The following WNK3 variants were observed in gnomAD, a reference collection of about 807,000 sequenced individuals.
WNK3 encodes WNK lysine deficient protein kinase 3, also known as serine/threonine-protein kinase WNK3.
In WNK3, 18 loss-of-function variants were observed where a neutral mutation model predicts 116.7. The observed-to-expected ratio is 0.15, with a 90% CI of 0.11 to 0.23. WNK3 has a LOEUF of 0.23. Ranked by LOEUF, WNK3 falls within the 10% of genes least tolerant of loss-of-function variation. The pLI is 1.00. For missense variants in WNK3, 993 were observed against 1,323.8 expected (o/e 0.75, Z 3.88); for synonymous variants, 404 against 469.4 (o/e 0.86, Z 1.80).
intron 10 of WNK3, among the ~76,000 whole-genome samples, chrX:54,267,494 G>C (rs1188782348): frequency 9.0e-6 from 1 of 110,525 alleles, no homozygotes; most frequent in Non-Finnish European, 1.9e-5. Flanking sequence ...AATAAAAGAT[G>C]ACCATAGCTA....
intron 20 of WNK3, among the ~76,000 whole-genome samples, chrX:54,234,894 T>C (rs2067945636): frequency 9.1e-6 from 1 of 110,109 alleles, no homozygotes; most frequent in Admixed American, 9.7e-5. Flanking sequence ...ATATCACAAA[T>C]ATGAAACTGC....
intron 2 of WNK3, among the ~76,000 whole-genome samples, chrX:54,328,324 A>T (rs1353106517): frequency 9.0e-6 from 1 of 111,381 alleles, no homozygotes; most frequent in Non-Finnish European, 1.9e-5. Flanking sequence ...AGTAATTCAA[A>T]GATGATGCCC....
At chrX:54,337,610 G>GCC (rs2069259534) in intron 1 of WNK3, among the ~76,000 whole-genome samples, 1 of 30,788 alleles carries the variant, frequency 3.2e-5, no homozygotes, top group African/African-American at 9.2e-5. Context: ...AATATTTGAG[G>GCC]CCAGGTGCAA....
intron 10 of WNK3, among the ~76,000 whole-genome samples, chrX:54,290,847 A>C (rs1557164873): frequency 1.8e-5 from 2 of 111,750 alleles, no homozygotes; most frequent in African/African-American, 6.5e-5. Flanking sequence ...TACCATGCTC[A>C]TAAAAAGACC....
chrX:54,214,881 C>T (rs2067664597), intron 22 of WNK3, among the ~76,000 whole-genome samples: 1 of 109,825 alleles, frequency 9.1e-6, no homozygotes, highest in African/African-American at 3.3e-5. Flanking sequence ...GGCGTGGTGG[C>T]GGGCGCCTGT....
At chrX:54,304,657 C>A (rs138985807) in intron 5 of WNK3, among the ~76,000 whole-genome samples, 97 of 111,277 alleles carry the variant, frequency 8.7e-4, no homozygotes, top group Non-Finnish European at 9.8e-4. Flanking sequence ...TAAATGATGT[C>A]TTTTTACAGT....
intron 1 of WNK3, among the ~76,000 whole-genome samples, chrX:54,338,110 T>A (rs1312704043): frequency 1.8e-5 from 2 of 109,434 alleles, no homozygotes; most frequent in Admixed American, 9.9e-5. Flanking sequence ...GTTGGGAAAA[T>A]TTTTTTTTAA....
intron 10 of WNK3, among the ~76,000 whole-genome samples, chrX:54,277,520 T>C (rs1231006633): frequency 1.8e-5 from 2 of 109,200 alleles, no homozygotes; most frequent in Non-Finnish European, 3.8e-5. Context: ...GTATTTTTAG[T>C]AGAGACGGGG....
At chrX:54,282,297 A>G (rs1557162684) in intron 10 of WNK3, among the ~76,000 whole-genome samples, 1 of 110,705 alleles carries the variant, frequency 9.0e-6, no homozygotes, top group African/African-American at 3.3e-5. Flanking sequence ...CTCGTGCCTC[A>G]GCCTCCCAAA....
rs182934586 is a variant in WNK3 at position 54,266,783 on chromosome X, G to A, written c.2038-7445C>T. On this transcript the variant is annotated intron_variant, in intron 10 of 23. Coordinates refer to ENST00000354646, the Ensembl canonical transcript of WNK3. ...ATACATGTGCTGAACGTGCAGGTTT[G>A]TTACATAGGTATACATGTGCCATGG... Among the ~76,000 whole-genome samples, 3 of 110,402 alleles carry A rather than the reference G, an allele frequency of 2.7e-5. No individual in the cohort carries two copies. In the East Asian group the frequency reaches 8.5e-4, roughly 31 times the overall value.
intron 17 of WNK3, among the ~76,000 whole-genome samples, chrX:54,243,780 A>G (rs2068048678): frequency 1.8e-5 from 2 of 112,087 alleles, no homozygotes; most frequent in Non-Finnish European, 3.8e-5. Context: ...TAGAATTACC[A>G]TATGCCCCAG....
intron 17 of WNK3, 49 bp downstream of exon 17, chrX:54,248,647 TA>T: frequency 9.4e-7 from 1 of 1,060,472 alleles, no homozygotes; most frequent in Non-Finnish European, 1.3e-6. Flanking sequence ...GGCATTTCTT[TA>T]AAACAATAAG....
At chrX:54,332,004 T>A (rs1557174331) in intron 2 of WNK3, among the ~76,000 whole-genome samples, 1 of 111,658 alleles carries the variant, frequency 9.0e-6, no homozygotes, top group Admixed American at 9.6e-5. Flanking sequence ...CTTTATTCCA[T>A]CCTAATTTTA....
intron 22 of WNK3, among the ~76,000 whole-genome samples, chrX:54,222,394 A>AT (rs1206364956): frequency 2.6e-4 from 27 of 102,998 alleles, no homozygotes; most frequent in Admixed American, 4.3e-4. Flanking sequence ...TTAAAAAAAA[A>AT]TTTTTTTTTT....
intron 23 of WNK3, among the ~76,000 whole-genome samples, chrX:54,200,571 G>A (rs1156465563): frequency 9.0e-6 from 1 of 111,474 alleles, no homozygotes; most frequent in Non-Finnish European, 1.9e-5. Context: ...GAAAACTGAG[G>A]CACAGATAGA....
intron 10 of WNK3, among the ~76,000 whole-genome samples, chrX:54,278,255 T>C (rs1349881136): frequency 9.0e-6 from 1 of 110,543 alleles, no homozygotes; most frequent in African/African-American, 3.3e-5. Context: ...AAGAGACATA[T>C]CATGTTCCTG....
At chrX:54,255,951 C>A (rs76447682) in intron 11 of WNK3, 64 bp from the exon 12 acceptor site, 2 of 946,854 alleles carry the variant, frequency 2.1e-6, no homozygotes, top group Admixed American at 3.0e-5. Flanking sequence ...AGAAAAACTC[C>A]CAATTATAAA....
chrX:54,284,994 G>A (rs782100245), intron 10 of WNK3, among the ~76,000 whole-genome samples: 22 of 110,191 alleles, frequency 2.0e-4, no homozygotes, highest in Non-Finnish European at 3.2e-4. Flanking sequence ...AAAAGCTACT[G>A]ATACATACAC....
intron 22 of WNK3, among the ~76,000 whole-genome samples, chrX:54,215,348 G>A (rs1299097147): frequency 9.0e-6 from 1 of 111,230 alleles, no homozygotes; most frequent in Non-Finnish European, 1.9e-5. Flanking sequence ...GCGCCGCCAC[G>A]CCTGACTGGT....
Sources: allele counts gnomAD v4.1 joint callset (sites outside exome capture counted in the v4.1 genomes callset), GRCh38; gene constraint gnomAD v4.1.1; transcripts MANE v1.5; gene names NCBI Gene and HGNC (gene_info 2026-07-23, HGNC 2026-07-21).